Variants in DPP6 observed in about 807,000 individuals in gnomAD.
DPP6 encodes the protein dipeptidyl peptidase like 6, also known as A-type potassium channel modulatory protein DPP6.
Under a neutral mutation model 122.6 loss-of-function variants are expected in DPP6, and 69 were observed. The observed-to-expected ratio is 0.56, with a 90% CI of 0.46 to 0.69. The LOEUF (loss-of-function observed/expected upper bound fraction) is 0.69. Among genes scored for constraint, DPP6 ranks in the 30% least tolerant of loss-of-function variants. DPP6 has a pLI of 0.00. For synonymous variants in DPP6, 418 were observed against 433.1 expected (o/e 0.97, Z 0.43); for missense variants, 928 against 1,116.9 (o/e 0.83, Z 2.41).
intron 3 of DPP6, among the ~76,000 whole-genome samples, chr7:154,532,427 C>T (rs374660236): frequency 3.3e-5 from 5 of 151,876 alleles, no homozygotes; most frequent in African/African-American, 1.2e-4. Context: ...TTCATCTTAA[C>T]AAGCTAGAAG....
the DPP6 span, among the ~76,000 whole-genome samples, chr7:153,877,370 A>G: frequency 6.6e-6 from 1 of 152,134 alleles, no homozygotes; most frequent in Non-Finnish European, 1.5e-5. Flanking sequence ...AAATTAAGAC[A>G]CACACACAAT....
chr7:153,764,490 G>A, the DPP6 span, among the ~76,000 whole-genome samples: 1 of 152,192 alleles, frequency 6.6e-6, no homozygotes, highest in African/African-American at 2.4e-5. Context: ...TTCAGGGGGA[G>A]GAGGGATGAG....
chr7:154,336,035 A>G (rs893945413), intron 1 of DPP6, among the ~76,000 whole-genome samples: 4 of 151,928 alleles, frequency 2.6e-5, no homozygotes, highest in Non-Finnish European at 2.9e-5. Flanking sequence ...GAAATGGTCC[A>G]TGTTTTACTA....
In DPP6 at chr7:154,195,728, G is replaced by A. The variant is rs551752102; in HGVS notation, c.243+142665G>A. Among the ~76,000 whole-genome samples the A allele has an allele frequency of 2.6e-5, 4 of 152,232 alleles. No homozygotes were observed. In the South Asian group the frequency reaches 8.3e-4, roughly 32 times the overall value. Reference sequence around the variant, plus strand: ...TCACCCAAATTCATTGTCCACGTTGGTGTTAGGTGATATTTCCAAAAAATT... The same window carrying A: ...TCACCCAAATTCATTGTCCACGTTGATGTTAGGTGATATTTCCAAAAAATT... On this transcript the variant is annotated intron_variant, in intron 1 of 25. Coordinates refer to ENST00000377770, the MANE Select transcript of DPP6 (RefSeq NM_130797.4).
At chr7:154,507,396 C>T (rs973336459) in intron 3 of DPP6, among the ~76,000 whole-genome samples, 2 of 152,100 alleles carry the variant, frequency 1.3e-5, no homozygotes, top group African/African-American at 4.8e-5. Context: ...GTTTTAAGCC[C>T]TGCATGCATT....
At chr7:154,058,335 CGCGAGGCAGGGACT>C (rs1347029082) in intron 1 of DPP6, 1 of 147,744 alleles carries the variant, frequency 6.8e-6, no homozygotes, top group African/African-American at 2.5e-5. Context: ...AGGCACCCCC[CGCGAGGCAGGGACT>C]GAGAGCCAGT....
At chr7:154,010,798 A>G (rs1435023427) in intron 1 of DPP6, among the ~76,000 whole-genome samples, 1 of 152,228 alleles carries the variant, frequency 6.6e-6, no homozygotes, top group Non-Finnish European at 1.5e-5. Flanking sequence ...GTGGATTGAA[A>G]TTGTGCTTAA....
At chr7:154,404,372 A>G (rs753938710) in intron 1 of DPP6, among the ~76,000 whole-genome samples, 4 of 152,270 alleles carry the variant, frequency 2.6e-5, no homozygotes, top group Non-Finnish European at 4.4e-5. Flanking sequence ...AGAAAGATCC[A>G]TAAATGTTCC....
At chr7:153,995,667 C>A (rs1267502973) in intron 1 of DPP6, among the ~76,000 whole-genome samples, 1 of 150,670 alleles carries the variant, frequency 6.6e-6, no homozygotes, top group Admixed American at 6.6e-5. Flanking sequence ...CTCGATAACA[C>A]CCTTCAACTA....
intron 2 of DPP6, among the ~76,000 whole-genome samples, chr7:154,464,578 A>G (rs1821623991): frequency 6.6e-6 from 1 of 152,192 alleles, no homozygotes; most frequent in Admixed American, 6.5e-5. Flanking sequence ...TTCTGTTGTA[A>G]ATCTGAAGCC....
intron 1 of DPP6, among the ~76,000 whole-genome samples, chr7:154,435,911 T>G (rs1257561389): frequency 6.6e-6 from 1 of 152,174 alleles, no homozygotes; most frequent in Non-Finnish European, 1.5e-5. Context: ...TATGTGTCGT[T>G]TATTTTCTCC....
intron 1 of DPP6, among the ~76,000 whole-genome samples, chr7:154,216,426 G>A (rs1800001897): frequency 6.6e-6 from 1 of 152,194 alleles, no homozygotes; most frequent in Admixed American, 6.5e-5. Context: ...TTGGAAGATT[G>A]AGGTATGCGG....
At chr7:154,652,038 G>A (rs1257563308) in intron 6 of DPP6, among the ~76,000 whole-genome samples, 1 of 152,202 alleles carries the variant, frequency 6.6e-6, no homozygotes, top group Non-Finnish European at 1.5e-5. Flanking sequence ...GTTGAGCTCT[G>A]TAGTGCGTGG....
chr7:153,953,198 C>T (rs1250686253), intron 1 of DPP6, among the ~76,000 whole-genome samples: 1 of 152,078 alleles, frequency 6.6e-6, no homozygotes, highest in Non-Finnish European at 1.5e-5. Flanking sequence ...TTTTTAAAAT[C>T]TTCCTTTAAA....
chr7:154,748,106 C>T (rs1329224588), intron 8 of DPP6, among the ~76,000 whole-genome samples: 6 of 152,182 alleles, frequency 3.9e-5, no homozygotes, highest in Non-Finnish European at 8.8e-5. Flanking sequence ...CCTCCCGCTT[C>T]CGGCAAGGAG....
chr7:154,145,667 C>T (rs1796053751), intron 1 of DPP6, among the ~76,000 whole-genome samples: 1 of 126,392 alleles, frequency 7.9e-6, no homozygotes, highest in African/African-American at 2.9e-5. Context: ...GCAGCTGGGG[C>T]ATCGCAGACA....
Position 154,587,638 on chromosome 7 carries a change from C to T in DPP6, c.627+20722C>T, listed in dbSNP as rs376476506. ...CTTTCTAAAATGATTCTGCCCATCT[C>T]CCACTTTACAGATGAAGAAAGTGAA... is the stretch of plus-strand genomic sequence containing the variant. On this transcript the variant is annotated intron_variant, in intron 5 of 25. Transcript: ENST00000377770. 8.0e-5 allele frequency: 123 copies of T among 1,540,060 alleles called. 1 individual carries two copies. In the East Asian group the frequency reaches 1.9e-3, roughly 24 times the overall value.
chr7:153,886,501 C>T (rs919306657), upstream of DPP6, among the ~76,000 whole-genome samples: 1 of 152,118 alleles, frequency 6.6e-6, no homozygotes, highest in South Asian at 2.1e-4. Flanking sequence ...CGCAGGCAGC[C>T]AAGAGCGAGC....
At chr7:154,439,072 T>G (rs1029334212) in intron 1 of DPP6, among the ~76,000 whole-genome samples, 1 of 152,196 alleles carries the variant, frequency 6.6e-6, no homozygotes, top group African/African-American at 2.4e-5. Context: ...TCCAATTACT[T>G]TAGTCTCTGC....
Sources: allele counts gnomAD v4.1 joint callset (sites outside exome capture counted in the v4.1 genomes callset), GRCh38; gene constraint gnomAD v4.1.1; transcripts MANE v1.5; gene names NCBI Gene and HGNC (gene_info 2026-07-23, HGNC 2026-07-21).